The following EYS variants were observed in gnomAD, a reference collection of about 807,000 sequenced individuals.
The protein encoded by EYS is EGF-like photoreceptor maintenance factor.
EYS carries 250 observed loss-of-function variants against 282.1 expected under a neutral mutation model. The observed-to-expected ratio is 0.89, with a 90% CI of 0.80 to 0.98. The LOEUF (loss-of-function observed/expected upper bound fraction) is 0.98. Among genes scored for constraint, EYS ranks in the 50% least tolerant of loss-of-function variants. The pLI, the probability that EYS is intolerant of heterozygous loss-of-function variation, is 0.00. For synonymous variants in EYS, 1,355 were observed against 1,282.9 expected (o/e 1.06, Z -1.20); for missense variants, 4,016 against 3,709.0 (o/e 1.08, Z -2.15).
At chr6:65,500,168 C>G (rs1466677626) in intron 2 of EYS, among the ~76,000 whole-genome samples, 1 of 151,890 alleles carries the variant, frequency 6.6e-6, no homozygotes, top group Admixed American at 6.6e-5. Context: ...AATGCACACA[C>G]CCAGTTAGGC....
chr6:64,859,641 A>G (rs942448242), intron 19 of EYS, among the ~76,000 whole-genome samples: 5 of 151,504 alleles, frequency 3.3e-5, no homozygotes, highest in East Asian at 3.9e-4. Flanking sequence ...TCCCTGCACA[A>G]CCTCTCTTCT....
At chr6:65,488,388 G>C (rs1048766966) in intron 5 of EYS, among the ~76,000 whole-genome samples, 1 of 151,852 alleles carries the variant, frequency 6.6e-6, no homozygotes, top group Admixed American at 6.6e-5. Flanking sequence ...TGTTCTCATT[G>C]GTTTCAAAAA....
chr6:65,082,021 C>A (rs1047942145), intron 12 of EYS, among the ~76,000 whole-genome samples: 2 of 152,030 alleles, frequency 1.3e-5, no homozygotes, highest in Admixed American at 6.6e-5. Flanking sequence ...TTCTACTGAT[C>A]TCTAAGTCAT....
chr6:64,395,638 TGGGGGGA>T (rs1186769067), intron 28 of EYS, among the ~76,000 whole-genome samples: 2 of 55,584 alleles, frequency 3.6e-5, no homozygotes, highest in Non-Finnish European at 3.5e-5. Context: ...GTTGTCGGGT[TGGGGGGA>T]GGGGGGAGGG....
At chr6:65,491,695 C>T (rs749939033) in intron 4 of EYS, 184 of 312,848 alleles carry the variant, frequency 5.9e-4, no homozygotes, top group Middle Eastern at 4.3e-3. Flanking sequence ...TGCCAATAGG[C>T]CACACCCTAA....
intron 1 of EYS, among the ~76,000 whole-genome samples, chr6:65,648,612 G>T (rs942595332): frequency 6.6e-6 from 1 of 151,942 alleles, no homozygotes; most frequent in Non-Finnish European, 1.5e-5. Context: ...ATTGTACACT[G>T]CTTGGGTGAT....
chr6:63,957,129 G>C (rs116347904), intron 35 of EYS, among the ~76,000 whole-genome samples: 1,056 of 96,112 alleles, frequency 0.011, 57 homozygotes, highest in African/African-American at 0.026. Context: ...GCTTATGTAA[G>C]ACAATATTTT....
At chr6:64,971,322 C>T (rs1770286658) in intron 14 of EYS, among the ~76,000 whole-genome samples, 1 of 150,914 alleles carries the variant, frequency 6.6e-6, no homozygotes. Context: ...CCACAAAGGA[C>T]ATTCATTAGC....
At position 65,567,211 on chromosome 6, in the gene EYS, C is replaced by T. The variant is rs752496246; in HGVS notation, c.-332-71218G>A. 4.6e-5 allele frequency among the ~76,000 whole-genome samples: 7 copies of T among 151,336 alleles called. No homozygotes were observed. The South Asian group carries it at 1.2e-3, about 27-fold the overall frequency. On this transcript the variant is annotated intron_variant, in intron 2 of 42. Coordinates refer to ENST00000503581, the MANE Select transcript of EYS (RefSeq NM_001142800.2). The stretch of plus-strand genomic sequence containing the variant: ...ATCCAGGCACTTCAACCTGGGAATG[C>T]CCACTCTTCAGAACTGTCAGAAATA...
chr6:64,101,454 T>C (rs1384224723), intron 31 of EYS, among the ~76,000 whole-genome samples: 1 of 152,154 alleles, frequency 6.6e-6, no homozygotes, highest in East Asian at 1.9e-4. Flanking sequence ...TGTATATTCA[T>C]GATGCATGCA....
chr6:63,961,270 A>G (rs1766046156), intron 35 of EYS, among the ~76,000 whole-genome samples: 1 of 152,170 alleles, frequency 6.6e-6, no homozygotes, highest in African/African-American at 2.4e-5. Context: ...GCCTGAAGCA[A>G]GTGAAGAATC....
intron 33 of EYS, among the ~76,000 whole-genome samples, chr6:64,011,194 T>C (rs1347473805): frequency 6.6e-6 from 1 of 152,218 alleles, no homozygotes; most frequent in Non-Finnish European, 1.5e-5. Context: ...GTCTTGTTTT[T>C]GAACTTGCCT....
chr6:64,437,057 A>G (rs1027400649), intron 27 of EYS, among the ~76,000 whole-genome samples: 1 of 151,746 alleles, frequency 6.6e-6, no homozygotes, highest in African/African-American at 2.4e-5. Context: ...CCTCTCACAT[A>G]TAGTCCAAAG....
At chr6:65,630,799 C>A (rs1291664426) in intron 2 of EYS, among the ~76,000 whole-genome samples, 1 of 152,056 alleles carries the variant, frequency 6.6e-6, no homozygotes, top group Non-Finnish European at 1.5e-5. Flanking sequence ...AACAAGTCCT[C>A]CAAACAATAA....
At chr6:65,491,056 C>A (rs775518225) in intron 4 of EYS, among the ~76,000 whole-genome samples, 1 of 151,864 alleles carries the variant, frequency 6.6e-6, no homozygotes, top group Non-Finnish European at 1.5e-5. Flanking sequence ...GATAGTATTG[C>A]AGTGATAATT....
At chr6:65,381,338 C>T (rs775162350) in intron 8 of EYS, among the ~76,000 whole-genome samples, 14 of 151,832 alleles carry the variant, frequency 9.2e-5, no homozygotes, top group Non-Finnish European at 1.9e-4. Context: ...AAGCTGGAAA[C>T]CATCATCCTC....
intron 14 of EYS, among the ~76,000 whole-genome samples, chr6:64,964,160 G>C (rs1770019371): frequency 6.6e-6 from 1 of 151,846 alleles, no homozygotes; most frequent in Non-Finnish European, 1.5e-5. Flanking sequence ...ATATCATTTG[G>C]GTTTAAGATA....
At chr6:63,758,358 T>A (rs1344665410) in intron 41 of EYS, among the ~76,000 whole-genome samples, 1 of 152,156 alleles carries the variant, frequency 6.6e-6, no homozygotes, top group Non-Finnish European at 1.5e-5. Context: ...AACTTAAGAA[T>A]ATATTAAAGC....
At chr6:65,321,708 G>A (rs371921830) in intron 11 of EYS, among the ~76,000 whole-genome samples, 1 of 152,200 alleles carries the variant, frequency 6.6e-6, no homozygotes, top group East Asian at 1.9e-4. Context: ...TCTGACCAAT[G>A]TGGGGGCTGC....
Sources: gnomAD v4.1 joint callset for allele counts (sites outside exome capture counted in the v4.1 genomes callset) on GRCh38, gnomAD v4.1.1 for gene constraint, MANE v1.5 for transcripts, NCBI Gene and HGNC (gene_info 2026-07-23, HGNC 2026-07-21) for gene names.